Variants in KCNA6 observed in about 807,000 individuals in gnomAD.
KCNA6 encodes human brain potassium channel-2.
KCNA6 carries 17 observed loss-of-function variants against 29.5 expected under a neutral mutation model. The ratio of observed to expected loss-of-function variants is 0.58; its 90% CI spans 0.39 to 0.86. The LOEUF (loss-of-function observed/expected upper bound fraction) is 0.86. Ranked by LOEUF, KCNA6 falls within the 40% of genes least tolerant of loss-of-function variation. KCNA6 has a pLI of 0.00. For synonymous variants in KCNA6, 296 were observed against 304.7 expected (o/e 0.97, Z 0.30); for missense variants, 450 against 703.4 (o/e 0.64, Z 4.07).
chr12:4,835,934 G>GTTT, the KCNA6 span, among the ~76,000 whole-genome samples: 29 of 137,196 alleles, frequency 2.1e-4, no homozygotes, highest in African/African-American at 3.5e-4. Flanking sequence ...AAAAGTCGCT[G>GTTT]TTTTTTTTTT....
Position 4,811,625 on chromosome 12 carries a change from G to C in KCNA6, c.1584G>C (p.Glu528Asp). 6.2e-7 allele frequency: 1 copy of C among 1,612,498 alleles called. No homozygotes were observed. Among genetic ancestry groups the C allele is most frequent in the African/African-American group, 1.3e-5 (1 of 75,030 alleles). The stretch of plus-strand genomic sequence containing the variant: ...ATGCAGAGAAAAGAATGCTCACGGA[G>C]GTCTGACCCATGCAGGCAGGGCCTG... The change falls in exon 1 of 1, where the codon GAG becomes GAC. Residue 528 changes from glutamate (E) to aspartate (D), a missense_variant. Around this residue, in one of 7 missense-constraint regions of KCNA6, gnomAD observed 56 missense variants for 65.2 expected, o/e 0.86. Coordinates refer to ENST00000280684, the Ensembl canonical transcript of KCNA6. This position sits in a 1 kb window ranked among gnomAD's most constrained non-coding sequence, Gnocchi z 7.1.
At chr12:4,831,566 C>G in the KCNA6 span, among the ~76,000 whole-genome samples, 1 of 152,162 alleles carries the variant, frequency 6.6e-6, no homozygotes, top group Non-Finnish European at 1.5e-5. Context: ...GATCCATCCT[C>G]CAGCTCCGCT....
At chr12:4,847,478 G>A in the KCNA6 span, among the ~76,000 whole-genome samples, 1 of 151,898 alleles carries the variant, frequency 6.6e-6, no homozygotes, top group South Asian at 2.1e-4. Flanking sequence ...TTCTGGGAGA[G>A]TTCCTCAACC....
chr12:4,819,061 TAC>T, the KCNA6 span, among the ~76,000 whole-genome samples: 2 of 152,028 alleles, frequency 1.3e-5, no homozygotes, highest in East Asian at 1.9e-4. Flanking sequence ...CACAAACATA[TAC>T]ACACGTATGC....
downstream of KCNA6, chr12:4,814,629 G>A (rs11063346): frequency 0.047 from 7,867 of 167,196 alleles, 256 homozygotes; most frequent in Non-Finnish European, 0.073. The surrounding 1 kb of genome is among the most constrained non-coding windows in gnomAD (Gnocchi z 4.6). Context: ...CAGCTGGGGT[G>A]GTGATTCACA....
chr12:4,813,093 T>C (rs1313315038), exon 1 of KCNA6: 1 of 166,992 alleles, frequency 6.0e-6, no homozygotes, highest in African/African-American at 2.4e-5. Flanking sequence ...GTTTTTAATT[T>C]TATATCTATG....
At chr12:4,830,664 C>T in the KCNA6 span, among the ~76,000 whole-genome samples, 5 of 152,250 alleles carry the variant, frequency 3.3e-5, no homozygotes, top group Non-Finnish European at 5.9e-5. Flanking sequence ...CTCTCCTTGT[C>T]CAGACCTTTT....
chr12:4,834,192 C>T, the KCNA6 span, among the ~76,000 whole-genome samples: 1 of 152,106 alleles, frequency 6.6e-6, no homozygotes, highest in African/African-American at 2.4e-5. Context: ...ACTTTGGCCT[C>T]CCAAAGTGCT....
the KCNA6 span, among the ~76,000 whole-genome samples, chr12:4,819,350 G>A: frequency 6.6e-6 from 1 of 152,184 alleles, no homozygotes; most frequent in Non-Finnish European, 1.5e-5. Flanking sequence ...GCCAGCCCCT[G>A]GCCCAGAGTT....
downstream of KCNA6, among the ~76,000 whole-genome samples, chr12:4,817,909 C>T (rs542382167): frequency 1.8e-4 from 28 of 152,310 alleles, no homozygotes; most frequent in African/African-American, 6.5e-4. Flanking sequence ...GCAGACAGAC[C>T]CTGGCTCTTT....
At chr12:4,818,742 A>C in the KCNA6 span, among the ~76,000 whole-genome samples, 1 of 152,086 alleles carries the variant, frequency 6.6e-6, no homozygotes, top group Non-Finnish European at 1.5e-5. Flanking sequence ...CATAGCTCCT[A>C]AATGTGTTTA....
chr12:4,844,402 A>G, the KCNA6 span, among the ~76,000 whole-genome samples: 1 of 152,208 alleles, frequency 6.6e-6, no homozygotes, highest in Non-Finnish European at 1.5e-5. The surrounding 1 kb of genome is among the most constrained non-coding windows in gnomAD (Gnocchi z 4.0). Flanking sequence ...ACAGTGTTAA[A>G]TGACGTAGTG....
Position 4,811,271 on chromosome 12 carries a change from G to A in KCNA6, c.1230G>A (p.Pro410=), listed in dbSNP as rs148141793. The change falls in exon 1 of 1, where the codon CCG becomes CCA. Residue 410 remains proline (P), a synonymous_variant. Coordinates refer to ENST00000280684, the Ensembl canonical transcript of KCNA6. The surrounding 1 kb of genome is among the most constrained non-coding windows in gnomAD (Gnocchi z 7.1). ...ACGATTCGCTTTTTCCCAGCATCCC[G>A]GATGCCTTCTGGTGGGCAGTGGTTA... The A allele has an allele frequency of 1.7e-5, 28 of 1,614,226 alleles. No individual in the cohort carries two copies. The highest frequency in any genetic ancestry group is 2.2e-5 in the East Asian group (1 of 44,882).
At chr12:4,813,114 CTT>C (rs1254345675) in exon 1 of KCNA6, 2 of 161,700 alleles carry the variant, frequency 1.2e-5, no homozygotes, top group East Asian at 4.0e-4. Flanking sequence ...CTTTCAGACT[CTT>C]TGATGATAAT....
At chr12:4,820,237 ATATATCT>A in the KCNA6 span, among the ~76,000 whole-genome samples, 1 of 152,212 alleles carries the variant, frequency 6.6e-6, no homozygotes, top group African/African-American at 2.4e-5. Context: ...TATAATCTGA[ATATATCT>A]TGGAAGAATA....
At chr12:4,812,762 G>A (rs1946644350) in exon 1 of KCNA6, 1 of 167,054 alleles carries the variant, frequency 6.0e-6, no homozygotes, top group African/African-American at 2.4e-5. Flanking sequence ...TGAAATATGT[G>A]GTTTAGAATA....
Position 4,810,353 on chromosome 12 carries a change from C to T in KCNA6, c.312C>T (p.Gly104=). 6.2e-7 allele frequency: 1 copy of T among 1,614,154 alleles called. No individual in the cohort carries two copies. Among genetic ancestry groups the T allele is most frequent in the Non-Finnish European group, 8.5e-7 (1 of 1,180,036 alleles). Residue 104 remains glycine (G), a synonymous_variant, in exon 1 of 1, where the codon GGC becomes GGT. Coordinates refer to ENST00000280684, the Ensembl canonical transcript of KCNA6. This position sits in a 1 kb window ranked among gnomAD's most constrained non-coding sequence, Gnocchi z 7.5. ...TCCTCTACTACTACCAGTCTGGGGGCCGCCTGCGGAGGCCGGTCAACGTGC... is the reference window on the plus strand; with the variant it reads ...TCCTCTACTACTACCAGTCTGGGGGTCGCCTGCGGAGGCCGGTCAACGTGC...
chr12:4,810,065 G>T lies in KCNA6; in HGVS notation c.24G>T (p.Thr8=). ...GCATGAGATCGGAGAAATCCCTTAC[G>T]CTGGCGGCGCCGGGGGAGGTCCGTG... The change falls in exon 1 of 1, where the codon ACG becomes ACT. Residue 8 remains threonine, a synonymous_variant. Transcript: ENST00000280684. The surrounding 1 kb of genome is among the most constrained non-coding windows in gnomAD (Gnocchi z 7.5). The T allele has an allele frequency of 6.5e-7, 1 of 1,545,352 alleles. No individual in the cohort carries two copies. Among genetic ancestry groups the T allele is most frequent in the Non-Finnish European group, 8.7e-7 (1 of 1,149,148 alleles).
At chr12:4,838,039 C>A in the KCNA6 span, among the ~76,000 whole-genome samples, 1 of 152,090 alleles carries the variant, frequency 6.6e-6, no homozygotes, top group African/African-American at 2.4e-5. Context: ...ACTAAGAGGG[C>A]ATAAGGTGGG....
Sources: gnomAD v4.1 joint callset for allele counts (sites outside exome capture counted in the v4.1 genomes callset) on GRCh38, gnomAD v4.1.1 for gene constraint, gnomAD v4.1.1 regional missense constraint, Gnocchi (gnomAD v3.1) non-coding constraint, MANE v1.5 for transcripts, NCBI Gene and HGNC (gene_info 2026-07-23, HGNC 2026-07-21) for gene names.